The following RBFOX1 variants were observed in gnomAD, a reference collection of about 807,000 sequenced individuals.
The protein encoded by RBFOX1 is RNA binding protein fox-1 homolog 1.
Under a neutral mutation model 57.7 loss-of-function variants are expected in RBFOX1, and 8 were observed. The ratio of observed to expected loss-of-function variants is 0.14; its 90% CI spans 0.08 to 0.25. The LOEUF (loss-of-function observed/expected upper bound fraction) is 0.25, where lower values mean the gene tolerates loss of function less well. Among genes scored for constraint, RBFOX1 ranks in the 10% least tolerant of loss-of-function variants. RBFOX1 has a pLI of 1.00. For synonymous variants in RBFOX1, 326 were observed against 222.4 expected (o/e 1.47, Z -4.15); for missense variants, 611 against 548.5 (o/e 1.11, Z -1.14).
rs141452907 is a variant in RBFOX1 at position 7,311,346 on chromosome 16, T to A, written c.28-206801T>A. On this transcript the variant is annotated intron_variant, in intron 4 of 15. Transcript: ENST00000550418. ...GAAGGTTAGTGTGTGTTCCCAGGGA[T>A]GCAATGACTATTTTTTTTCTCCCCT... 1.1e-3 allele frequency among the ~76,000 whole-genome samples: 160 copies of A among 152,266 alleles called. 2 individuals are homozygous for A. In the East Asian group the frequency reaches 0.023, roughly 22 times the overall value.
At chr16:5,793,980 C>A (rs759449055) in intron 3 of RBFOX1, among the ~76,000 whole-genome samples, 5 of 152,194 alleles carry the variant, frequency 3.3e-5, no homozygotes, top group Non-Finnish European at 7.3e-5. Flanking sequence ...AATCATGAAA[C>A]TGCAAGGTGT....
intron 1 of RBFOX1, among the ~76,000 whole-genome samples, chr16:6,121,480 C>G (rs2096548828): frequency 6.6e-6 from 1 of 152,204 alleles, no homozygotes; most frequent in African/African-American, 2.4e-5. Context: ...TGCCCGTACC[C>G]AGTACCCCCA....
At chr16:5,612,280 C>G (rs9923615) in intron 3 of RBFOX1, among the ~76,000 whole-genome samples, 2 of 150,800 alleles carry the variant, frequency 1.3e-5, no homozygotes, top group Admixed American at 6.6e-5. Flanking sequence ...CTCCCAGTCA[C>G]TCTCCCATCC....
intron 1 of RBFOX1, among the ~76,000 whole-genome samples, chr16:5,353,887 T>A (rs533322751): frequency 1.3e-5 from 2 of 151,288 alleles, no homozygotes; most frequent in South Asian, 4.2e-4. Context: ...TCTCAGAGGG[T>A]CTTGCTGTAT....
At chr16:7,517,539 TACAC>T (rs1185403041) in intron 4 of RBFOX1, among the ~76,000 whole-genome samples, 1 of 50,624 alleles carries the variant, frequency 2.0e-5, no homozygotes, top group Non-Finnish European at 4.7e-5. Flanking sequence ...CATACACGCA[TACAC>T]ACACACAGAC....
At chr16:7,645,734 C>G (rs1489452522) in intron 11 of RBFOX1, among the ~76,000 whole-genome samples, 1 of 152,138 alleles carries the variant, frequency 6.6e-6, no homozygotes, top group East Asian at 1.9e-4. Context: ...CTAGAAGAAA[C>G]TGTTTGTCCA....
At position 7,019,376 on chromosome 16, in the gene RBFOX1, C is replaced by T. The variant is rs533478942; in HGVS notation, c.-15-32681C>T. ...AGACCTTTTAGCTGAGATTCATGGA[C>T]TTCATGAAAGTATGTGTGTGTTTGT... On this transcript the variant is annotated intron_variant, in intron 3 of 15. Coordinates refer to ENST00000550418, the MANE Select transcript of RBFOX1 (RefSeq NM_018723.4). Among the ~76,000 whole-genome samples the T allele has an allele frequency of 7.2e-5, 11 of 152,058 alleles. No individual in the cohort carries two copies. In the East Asian group the frequency reaches 1.6e-3, roughly 21 times the overall value.
chr16:6,220,058 GA>G lies in RBFOX1; in HGVS notation c.-126-96935del, dbSNP rs199602719. 8.4e-3 allele frequency among the ~76,000 whole-genome samples: 1,283 copies of G among 151,932 alleles called. 14 individuals carry two copies. Among genetic ancestry groups the G allele is most frequent in the African/African-American group, 0.024 (983 of 41,434 alleles). On this transcript the variant is annotated intron_variant, in intron 1 of 15. Transcript: ENST00000550418. The stretch of plus-strand genomic sequence containing the variant: ...ATCTGTCATCTGTCTGTTTCTATAT[GA>G]ATATATAAATGTATTTATCTATATT...
intron 4 of RBFOX1, among the ~76,000 whole-genome samples, chr16:7,507,984 G>GT (rs1036563394): frequency 2.9e-4 from 43 of 150,076 alleles, no homozygotes; most frequent in African/African-American, 7.3e-4. Context: ...GTCTATTTAA[G>GT]TTTTTTTTTC....
chr16:6,011,009 G>A (rs146503949), intron 4 of RBFOX1, among the ~76,000 whole-genome samples: 1 of 152,278 alleles, frequency 6.6e-6, no homozygotes, highest in African/African-American at 2.4e-5. Context: ...CACTGCAAAT[G>A]CATACTCTTC....
intron 1 of RBFOX1, among the ~76,000 whole-genome samples, chr16:5,400,314 A>C (rs1305871840): frequency 1.3e-5 from 2 of 151,526 alleles, no homozygotes; most frequent in Non-Finnish European, 2.9e-5. Flanking sequence ...GCTGGTCTGC[A>C]ACTCCTGACC....
At chr16:6,247,405 T>C (rs545881214) in intron 1 of RBFOX1, among the ~76,000 whole-genome samples, 3 of 152,272 alleles carry the variant, frequency 2.0e-5, no homozygotes, top group Admixed American at 6.5e-5. Flanking sequence ...CATAAAATGA[T>C]TGAAGAACCA....
chr16:5,366,187 T>G, intron 1 of RBFOX1: 1 of 421,156 alleles, frequency 2.4e-6, no homozygotes, highest in South Asian at 1.9e-5. Context: ...GACAAAGATA[T>G]GAAACTCTTA....
At chr16:5,728,147 C>T (rs1340056507) in intron 3 of RBFOX1, among the ~76,000 whole-genome samples, 1 of 152,238 alleles carries the variant, frequency 6.6e-6, no homozygotes, top group Non-Finnish European at 1.5e-5. Context: ...AAAGAGATAT[C>T]TGTGTCATCA....
intron 4 of RBFOX1, among the ~76,000 whole-genome samples, chr16:7,455,228 A>AGTG (rs891013584): frequency 2.6e-5 from 4 of 152,220 alleles, no homozygotes; most frequent in Non-Finnish European, 5.9e-5. Context: ...TAGCTAAATA[A>AGTG]GTGGTGGTTT....
intron 1 of RBFOX1, among the ~76,000 whole-genome samples, chr16:5,329,555 A>G (rs2064686865): frequency 6.6e-6 from 1 of 152,254 alleles, no homozygotes; most frequent in Non-Finnish European, 1.5e-5. Context: ...CCCGAACCAT[A>G]TCAAAAACTG....
At chr16:7,450,260 G>A (rs559758154) in intron 4 of RBFOX1, among the ~76,000 whole-genome samples, 1 of 151,942 alleles carries the variant, frequency 6.6e-6, no homozygotes, top group South Asian at 2.1e-4. Context: ...TGGGCATGGT[G>A]ACATACGCCT....
chr16:5,461,805 C>G (rs2068795583), intron 1 of RBFOX1, among the ~76,000 whole-genome samples: 1 of 152,176 alleles, frequency 6.6e-6, no homozygotes, highest in South Asian at 2.1e-4. Context: ...TTTAAGCAGT[C>G]TCTGAGCTCA....
intron 2 of RBFOX1, among the ~76,000 whole-genome samples, chr16:5,492,271 GT>G (rs1278695757): frequency 6.6e-6 from 1 of 152,170 alleles, no homozygotes; most frequent in East Asian, 1.9e-4. Flanking sequence ...ACAGGTACCT[GT>G]TTTTCCCAAT....
Sources: allele counts gnomAD v4.1 joint callset (sites outside exome capture counted in the v4.1 genomes callset), GRCh38; gene constraint gnomAD v4.1.1; transcripts MANE v1.5; gene names NCBI Gene and HGNC (gene_info 2026-07-23, HGNC 2026-07-21).